Variants in SH3RF3 observed in about 807,000 individuals in gnomAD.
SH3RF3 encodes the protein SH3 domain containing ring finger 3, also known as E3 ubiquitin-protein ligase SH3RF3.
In SH3RF3, 29 loss-of-function variants were observed where a neutral mutation model predicts 66.3. The observed-to-expected ratio is 0.44, with a 90% CI of 0.33 to 0.60. The LOEUF (loss-of-function observed/expected upper bound fraction) is 0.60. SH3RF3 is among the 20% of genes least tolerant of loss of function. SH3RF3 has a pLI of 0.04. For missense variants in SH3RF3, 1,194 were observed against 1,190.9 expected, an observed-to-expected ratio of 1.00 and a Z score of -0.04; for synonymous variants, 583 against 532.0, an observed-to-expected ratio of 1.10 and a Z score of -1.32.
chr2:109,446,995 C>T (rs1353519611), intron 7 of SH3RF3, among the ~76,000 whole-genome samples: 7 of 151,874 alleles, frequency 4.6e-5, no homozygotes, highest in South Asian at 2.1e-4. Context: ...TCTCGAGGAG[C>T]GGCCTCTGAG....
In SH3RF3 at chr2:109,262,019, A is replaced by T. The variant is rs568576174; in HGVS notation, c.574-85655A>T. ...AAAACCAGGTCCCCTAAGAGTGGCT[A>T]GAGCAGGAGACAGGTCGGTGGCCCG... On this transcript the variant is annotated intron_variant, in intron 1 of 9. Coordinates refer to ENST00000309415, the MANE Select transcript of SH3RF3 (RefSeq NM_001099289.3). 1.1e-3 allele frequency among the ~76,000 whole-genome samples: 165 copies of T among 152,332 alleles called. 1 individual carries two copies. Among genetic ancestry groups the T allele is most frequent in the African/African-American group, 3.8e-3 (156 of 41,570 alleles).
intron 8 of SH3RF3, among the ~76,000 whole-genome samples, chr2:109,477,216 G>A (rs907003613): frequency 6.6e-6 from 1 of 152,172 alleles, no homozygotes; most frequent in African/African-American, 2.4e-5. Flanking sequence ...GCACTGCCCC[G>A]GGTTGCACAC....
chr2:109,442,954 G>A (rs781621529), intron 7 of SH3RF3, among the ~76,000 whole-genome samples: 10 of 152,216 alleles, frequency 6.6e-5, no homozygotes, highest in Admixed American at 1.3e-4. Context: ...ACGATATGCT[G>A]TGAGTAAGAA....
chr2:109,129,894 G>C lies in SH3RF3; in HGVS notation c.354G>C (p.Leu118=), dbSNP rs1345297693. The C allele has an allele frequency of 2.6e-6, 4 of 1,513,968 alleles. No individual in the cohort carries two copies. The highest frequency in any genetic ancestry group is 3.5e-6 in the Non-Finnish European group (4 of 1,136,832). 93.8% of individuals were successfully genotyped at this position (1,513,968 alleles called of 1,614,324 possible). A position where few individuals can be genotyped will look rare whatever the true frequency, so the allele number is the denominator to read the frequency against. The change falls in exon 1 of 10, where the codon CTG becomes CTC. Residue 118 remains leucine, a synonymous_variant. Coordinates refer to ENST00000309415, the MANE Select transcript of SH3RF3 (RefSeq NM_001099289.3). ...CCAACATCTTGCTGGTGCGACTGCTGGACGGCATCCGTCAGCGGCCCCGCG... is the reference window on the plus strand; with the variant it reads ...CCAACATCTTGCTGGTGCGACTGCTCGACGGCATCCGTCAGCGGCCCCGCG... ...LPANILLVRL[L]DGIRQRPRAG...
Position 109,501,946 on chromosome 2 carries a change from G to A in SH3RF3, c.*275G>A. 1 of 403,948 alleles carries A rather than the reference G, an allele frequency of 2.5e-6. No individual in the cohort carries two copies. The highest frequency in any genetic ancestry group is 4.5e-6 in the Non-Finnish European group (1 of 220,634). 25.0% of individuals were successfully genotyped at this position (403,948 alleles called of 1,614,324 possible). A position where few individuals can be genotyped will look rare whatever the true frequency, so the allele number is the denominator to read the frequency against. ...AAAGCACCTTGAGGAAGAGAGGCAG[G>A]TGCCGGCGCAGGCAGGCCTGTGGCT... On this transcript the variant is annotated 3_prime_UTR_variant, in exon 10 of 10. Coordinates refer to ENST00000309415, the MANE Select transcript of SH3RF3 (RefSeq NM_001099289.3).
chr2:109,175,352 A>T (rs1256829883), intron 1 of SH3RF3, among the ~76,000 whole-genome samples: 1 of 152,232 alleles, frequency 6.6e-6, no homozygotes, highest in African/African-American at 2.4e-5. Flanking sequence ...GCAGCACAGA[A>T]ACAAAGGTTA....
chr2:109,492,584 A>G (rs966636632), intron 9 of SH3RF3, among the ~76,000 whole-genome samples: 2 of 151,742 alleles, frequency 1.3e-5, no homozygotes, highest in African/African-American at 4.8e-5. Flanking sequence ...AGTCTCAGTG[A>G]ACCTTCCCAC....
intron 2 of SH3RF3, among the ~76,000 whole-genome samples, chr2:109,349,738 G>A (rs1210057497): frequency 6.6e-6 from 1 of 152,218 alleles, no homozygotes; most frequent in Non-Finnish European, 1.5e-5. Context: ...ACGGGCTGTC[G>A]CAGGGCCCTG....
Position 109,371,574 on chromosome 2 carries a change from C to T in SH3RF3, c.850-12C>T. 1 of 1,613,068 alleles carries T rather than the reference C, an allele frequency of 6.2e-7. No homozygotes were observed. The highest frequency in any genetic ancestry group is 8.5e-7 in the Non-Finnish European group (1 of 1,179,246). ...CCGTATGCTTGTGTCCACGGTGGAC[C>T]CGGAACTGCAGGACGAGATTCTGAC... On this transcript the variant is annotated splice_polypyrimidine_tract_variant and intron_variant, in intron 2 of 9. Transcript: ENST00000309415.
chr2:109,370,279 A>C, intron 2 of SH3RF3, among the ~76,000 whole-genome samples: 1 of 147,264 alleles, frequency 6.8e-6, no homozygotes, highest in African/African-American at 2.5e-5. Flanking sequence ...TCACTCTGTC[A>C]CCCTGGCTGG....
intron 5 of SH3RF3, among the ~76,000 whole-genome samples, chr2:109,427,746 C>T (rs1278754980): frequency 4.6e-5 from 7 of 152,230 alleles, no homozygotes; most frequent in South Asian, 2.1e-4. Context: ...CATCTCAACC[C>T]GCGTAACTGC....
At chr2:109,303,119 G>A (rs1222534341) in intron 1 of SH3RF3, among the ~76,000 whole-genome samples, 5 of 152,104 alleles carry the variant, frequency 3.3e-5, no homozygotes, top group Non-Finnish European at 5.9e-5. Flanking sequence ...CAGGTGATCC[G>A]TCCGCCTCAG....
In SH3RF3 at chr2:109,130,054, G is replaced by A. The variant is rs941572596; in HGVS notation, c.514G>A (p.Gly172Ser). The A allele has an allele frequency of 2.2e-6, 3 of 1,368,172 alleles. No individual in the cohort carries two copies. The highest frequency in any genetic ancestry group is 2.8e-6 in the Non-Finnish European group (3 of 1,062,564). 84.8% of individuals were successfully genotyped at this position (1,368,172 alleles called of 1,614,324 possible). Residue 172 changes from glycine (G) to serine (S), a missense_variant, in exon 1 of 10, where the codon GGC becomes AGC. Coordinates refer to ENST00000309415, the MANE Select transcript of SH3RF3 (RefSeq NM_001099289.3). ...GSPVFLSAAA[G>S]STAGSLRELA... ...CCCGGTTTTCCTCTCCGCGGCCGCGGGCAGCACCGCCGGCAGTCTGCGGGA... is the reference window on the plus strand; with the variant it reads ...CCCGGTTTTCCTCTCCGCGGCCGCGAGCAGCACCGCCGGCAGTCTGCGGGA...
rs1193887077 is a variant in SH3RF3 at position 109,347,829 on chromosome 2, C to T, written c.729C>T (p.Leu243=). Residue 243 remains leucine (L), a synonymous_variant, in exon 2 of 10, where the codon CTC becomes CTT. Coordinates refer to ENST00000309415, the MANE Select transcript of SH3RF3 (RefSeq NM_001099289.3). The stretch of plus-strand genomic sequence containing the variant: ...AGCTGCACGGCACACAGGGCTTCCT[C>T]CCAGCCAGCTATATCCAGTGCATCC... ...HGELHGTQGF[L]PASYIQCIQP... is the part of the protein sequence containing the mutation. 1 of 1,614,002 alleles carries T rather than the reference C, an allele frequency of 6.2e-7. No homozygotes were observed. Among genetic ancestry groups the T allele is most frequent in the Non-Finnish European group, 8.5e-7 (1 of 1,179,874 alleles).
rs1676618212 is a variant in SH3RF3 at position 109,129,321 on chromosome 2, T to G, written c.-220T>G. On this transcript the variant is annotated 5_prime_UTR_variant, in exon 1 of 10. Coordinates refer to ENST00000309415, the MANE Select transcript of SH3RF3 (RefSeq NM_001099289.3). ...GCGCTGCGCTCAGGACTGGGCGGGC[T>G]CGGCTGGCCGGTCCCCGCCACGCAG... is the stretch of plus-strand genomic sequence containing the variant. The G allele has an allele frequency of 1.3e-6, 1 of 742,030 alleles. No individual in the cohort carries two copies. Among genetic ancestry groups the G allele is most frequent in the African/African-American group, 1.9e-5 (1 of 53,588 alleles). The allele number at this position is 742,030 out of a possible 1,614,324, so 46.0% of individuals were successfully genotyped here.
chr2:109,283,381 G>A (rs573873914), intron 1 of SH3RF3, among the ~76,000 whole-genome samples: 27 of 152,286 alleles, frequency 1.8e-4, no homozygotes, highest in South Asian at 4.2e-4. Flanking sequence ...ACCTCACTGC[G>A]TTGAAATTGA....
chr2:109,225,482 G>A (rs1679353539), intron 1 of SH3RF3, among the ~76,000 whole-genome samples: 1 of 152,214 alleles, frequency 6.6e-6, no homozygotes. Context: ...CTCCCCACTG[G>A]GGACTGGGTG....
At chr2:109,244,261 G>A (rs1679857769) in intron 1 of SH3RF3, among the ~76,000 whole-genome samples, 1 of 152,154 alleles carries the variant, frequency 6.6e-6, no homozygotes, top group Non-Finnish European at 1.5e-5. Flanking sequence ...AAGCACACAG[G>A]AGGTACAACA....
chr2:109,349,048 G>A (rs1031016077), intron 2 of SH3RF3, among the ~76,000 whole-genome samples: 74 of 151,768 alleles, frequency 4.9e-4, no homozygotes, highest in African/African-American at 1.5e-3. Context: ...ACACACACAC[G>A]CACAGAGTTG....
Sources: allele counts gnomAD v4.1 joint callset (sites outside exome capture counted in the v4.1 genomes callset), GRCh38; gene constraint gnomAD v4.1.1; transcripts MANE v1.5; gene names NCBI Gene and HGNC (gene_info 2026-07-23, HGNC 2026-07-21).